NEB: variants seen among roughly 807,000 people sequenced by gnomAD.
The protein encoded by NEB is nebulin.
A neutral mutation model predicts 952.2 loss-of-function variants in NEB; 512 were observed. The observed-to-expected ratio is 0.54, with a 90% CI of 0.50 to 0.58. NEB has a LOEUF of 0.58. Ranked by LOEUF, NEB falls within the 20% of genes least tolerant of loss-of-function variation. The pLI is 0.00. For missense variants in NEB, 8,428 were observed against 9,231.1 expected, an observed-to-expected ratio of 0.91 and a Z score of 3.56; for synonymous variants, 2,900 against 3,149.8, an observed-to-expected ratio of 0.92 and a Z score of 2.66.
In NEB at chr2:151,501,405, C is replaced by CTTGA. The variant is rs1553568447; in HGVS notation, c.24003_24006dup (p.Glu8003SerfsTer5). The CTTGA allele has an allele frequency of 1.3e-6, 2 of 1,548,960 alleles. No homozygotes were observed. Among genetic ancestry groups the CTTGA allele is most frequent in the Non-Finnish European group, 1.7e-6 (2 of 1,145,184 alleles). On this transcript the variant is annotated frameshift_variant, in exon 168 of 182. Coordinates refer to ENST00000397345, the MANE Select transcript of NEB (RefSeq NM_001164508.2). LOFTEE classifies it high-confidence loss of function. ...CTCCCAAATACCGAGCTAAAGTTTTCTTGATTGAGTTTGACTCGCTCCATC... is the reference window on the plus strand; with the variant it reads ...CTCCCAAATACCGAGCTAAAGTTTTCTTGATTGATTGAGTTTGACTCGCTCCATC...
At chr2:151,534,350 G>C (rs761598962) in intron 142 of NEB, 1 of 1,573,560 alleles carries the variant, frequency 6.4e-7, no homozygotes, top group East Asian at 2.2e-5. Flanking sequence ...ATTATAGCAA[G>C]AGTACAACTT....
chr2:151,538,770 C>G (rs2093629749), intron 138 of NEB, among the ~76,000 whole-genome samples: 1 of 152,138 alleles, frequency 6.6e-6, no homozygotes, highest in Non-Finnish European at 1.5e-5. Context: ...AGTCTTAAAA[C>G]TTCATTTCAT....
At chr2:151,687,583 A>G in intron 26 of NEB, 43 bp downstream of exon 26, 3 of 1,613,380 alleles carry the variant, frequency 1.9e-6, no homozygotes, top group Non-Finnish European at 2.5e-6. Flanking sequence ...AATGTCCCCA[A>G]GGCCACCCTG....
chr2:151,709,238 C>G (rs2099736500), intron 12 of NEB, among the ~76,000 whole-genome samples: 1 of 152,104 alleles, frequency 6.6e-6, no homozygotes, highest in African/African-American at 2.4e-5. Context: ...ATAAGGCCAC[C>G]AATTGCCTCT....
chr2:151,687,404 C>T lies in NEB; in HGVS notation c.2637+15G>A. Reference sequence around the variant, plus strand: ...GTCCATCTTGAAAACAAGACAGATTCACAAAGACACTCACATCACTCTGGT... The same window carrying T: ...GTCCATCTTGAAAACAAGACAGATTTACAAAGACACTCACATCACTCTGGT... On this transcript the variant is annotated intron_variant, in intron 27 of 181. Transcript: ENST00000397345. 1 of 1,600,568 alleles carries T rather than the reference C, an allele frequency of 6.2e-7. No homozygotes were observed. Among genetic ancestry groups the T allele is most frequent in the Non-Finnish European group, 8.6e-7 (1 of 1,167,820 alleles).
At chr2:151,558,956 A>G (rs936181736) in intron 124 of NEB, among the ~76,000 whole-genome samples, 3 of 152,200 alleles carry the variant, frequency 2.0e-5, no homozygotes, top group Admixed American at 2.0e-4. Context: ...TAATTAAACT[A>G]AAGAACTTCT....
At chr2:151,654,222 G>T (rs2099061700) in intron 51 of NEB, 123 bp from the exon 52 acceptor site, 3 of 502,406 alleles carry the variant, frequency 6.0e-6, no homozygotes, top group Non-Finnish European at 6.8e-6. Flanking sequence ...TATCTTTAAA[G>T]ATATGGATAA....
chr2:151,530,330 T>TG (rs2089963310), intron 145 of NEB, among the ~76,000 whole-genome samples: 1 of 152,188 alleles, frequency 6.6e-6, no homozygotes, highest in Admixed American at 6.5e-5. Context: ...TTTTCCATCC[T>TG]GGGCCTGGGA....
intron 1 of NEB, among the ~76,000 whole-genome samples, 169 bp downstream of exon 1, chr2:151,734,229 T>C (rs1199237586): frequency 1.3e-5 from 2 of 152,132 alleles, no homozygotes; most frequent in African/African-American, 2.4e-5. Context: ...ACACGGTACA[T>C]AGCAGATATT....
At chr2:151,531,237 TCTG>T in intron 144 of NEB, 136 bp from the exon 145 acceptor site, 1 of 628,674 alleles carries the variant, frequency 1.6e-6, no homozygotes, top group South Asian at 1.9e-5. Flanking sequence ...TTTCATGCTC[TCTG>T]CTAAGACTTC....
At position 151,733,011 on chromosome 2, in the gene NEB, T is replaced by C; in HGVS notation, c.36+110A>G. 7 of 917,918 alleles carry C rather than the reference T, an allele frequency of 7.6e-6. No individual in the cohort carries two copies. The South Asian group carries it at 1.1e-4, about 14-fold the overall frequency. 56.9% of individuals were successfully genotyped at this position (917,918 alleles called of 1,614,324 possible). On this transcript the variant is annotated intron_variant, in intron 3 of 181. Coordinates refer to ENST00000397345, the MANE Select transcript of NEB (RefSeq NM_001164508.2). Reference sequence around the variant, plus strand: ...TCTTATGCTTTAAATGATGACTCTTTGTGAAGTTATAATAGACAATGTATT... The same window carrying C: ...TCTTATGCTTTAAATGATGACTCTTCGTGAAGTTATAATAGACAATGTATT...
At chr2:151,634,607 A>T (rs1574557883) in intron 64 of NEB, among the ~76,000 whole-genome samples, 1 of 152,148 alleles carries the variant, frequency 6.6e-6, no homozygotes, top group African/African-American at 2.4e-5. Context: ...ACGCCACTGC[A>T]CTCCAGCCTG....
intron 142 of NEB, among the ~76,000 whole-genome samples, chr2:151,533,968 G>C (rs915174965): frequency 2.0e-5 from 3 of 152,196 alleles, no homozygotes; most frequent in Non-Finnish European, 4.4e-5. Context: ...TTCTCCAGAA[G>C]AGTAAAGGAT....
At chr2:151,568,453 T>A in intron 111 of NEB, 36 bp from the exon 112 acceptor site, 1 of 1,568,668 alleles carries the variant, frequency 6.4e-7, no homozygotes, top group Non-Finnish European at 8.8e-7. Context: ...GGGGGCAAGT[T>A]ACTTGTTAAG....
In NEB at chr2:151,565,101, A is replaced by G; in HGVS notation, c.18414T>C (p.Phe6138=). ...GGGAGATATGTGGTGTATCTGGTGA[A>G]AACGTATATTTGCCCTTTGCTTTAT... ...TFNKAKGKYT[F]SPDTPHISHS... is the part of the protein sequence containing the mutation. Residue 6138 remains phenylalanine (F), a synonymous_variant, in exon 117 of 182, where the codon TTT becomes TTC. Transcript: ENST00000397345. The G allele has an allele frequency of 1.2e-6, 2 of 1,601,190 alleles. No individual in the cohort carries two copies. Among genetic ancestry groups the G allele is most frequent in the Non-Finnish European group, 8.5e-7 (1 of 1,170,230 alleles).
rs375357016 is a variant in NEB at position 151,563,607 on chromosome 2, G to T, written c.18692C>A (p.Ala6231Glu). 3.1e-6 allele frequency: 5 copies of T among 1,611,152 alleles called. No homozygotes were observed. In the African/African-American group the frequency reaches 6.7e-5, roughly 22 times the overall value. ...GTGTTAAAGTGGACATTTACTTACCGCACTCCTCATCTTTTGGAAATCCAG... is the reference window on the plus strand; with the variant it reads ...GTGTTAAAGTGGACATTTACTTACCTCACTCCTCATCTTTTGGAAATCCAG... The part of the protein sequence containing the change: ...HCLDFQKMRS[A>E]LNYRKHYEDT... Residue 6231 changes from alanine (A) to glutamate (E), a missense_variant and splice_region_variant, in exon 119 of 182, where the codon GCG (alanine) becomes GAG (glutamate). Transcript: ENST00000397345.
intron 60 of NEB, among the ~76,000 whole-genome samples, chr2:151,640,926 G>A (rs1009282907): frequency 2.0e-5 from 3 of 151,826 alleles, no homozygotes; most frequent in Non-Finnish European, 4.4e-5. Flanking sequence ...TTAGAATTTA[G>A]AATTTGTTTT....
chr2:151,618,203 A>C (rs1280681177), intron 74 of NEB, 72 bp downstream of exon 74: 6 of 1,340,594 alleles, frequency 4.5e-6, no homozygotes, highest in Non-Finnish European at 5.3e-6. Flanking sequence ...TTTAAAATGC[A>C]ATAATATATC....
intron 107 of NEB, among the ~76,000 whole-genome samples, chr2:151,572,187 T>C (rs2096652332): frequency 6.6e-6 from 1 of 152,086 alleles, no homozygotes; most frequent in Non-Finnish European, 1.5e-5. Flanking sequence ...CTGGGTGTGG[T>C]GGCACACACC....
Sources: allele counts gnomAD v4.1 joint callset (sites outside exome capture counted in the v4.1 genomes callset), GRCh38; gene constraint gnomAD v4.1.1; transcripts MANE v1.5; gene names NCBI Gene and HGNC (gene_info 2026-07-23, HGNC 2026-07-21).